Variants in MED12L observed in about 807,000 individuals in gnomAD.
The protein encoded by MED12L is mediator of RNA polymerase II transcription subunit 12-like protein.
In MED12L, 60 loss-of-function variants were observed where a neutral mutation model predicts 281.3. The ratio of observed to expected loss-of-function variants is 0.21; its 90% CI spans 0.17 to 0.26. MED12L has a LOEUF of 0.26. Ranked by LOEUF, MED12L falls within the 10% of genes least tolerant of loss-of-function variation. MED12L has a pLI of 1.00. For missense variants in MED12L, 2,146 were observed against 2,680.9 expected (o/e 0.80, Z 4.41); for synonymous variants, 974 against 987.2 (o/e 0.99, Z 0.25).
chr3:151,146,572 G>A (rs1367257681), intron 5 of MED12L, among the ~76,000 whole-genome samples: 1 of 152,024 alleles, frequency 6.6e-6, no homozygotes, highest in Non-Finnish European at 1.5e-5. Context: ...CTGCCTACTT[G>A]ATCCCTAAGT....
At chr3:151,121,848 TGGG>T (rs1356187111) in intron 3 of MED12L, among the ~76,000 whole-genome samples, 1 of 151,596 alleles carries the variant, frequency 6.6e-6, no homozygotes, top group Non-Finnish European at 1.5e-5. Context: ...CCCGAGTAGG[TGGG>T]ATTATAAGCG....
intron 21 of MED12L, 110 bp downstream of exon 21, chr3:151,360,715 C>A: frequency 1.0e-6 from 1 of 1,003,296 alleles, no homozygotes; most frequent in Non-Finnish European, 1.5e-6. Flanking sequence ...GCAATTGTAT[C>A]TATTAGGCAG....
At chr3:151,160,189 CT>C in intron 8 of MED12L, 88 bp downstream of exon 8, 1 of 1,253,924 alleles carries the variant, frequency 8.0e-7, no homozygotes. Flanking sequence ...CTCTAGTTGA[CT>C]TTTTACAACT....
At chr3:151,170,397 C>T (rs1576881545) in intron 11 of MED12L, among the ~76,000 whole-genome samples, 1 of 151,512 alleles carries the variant, frequency 6.6e-6, no homozygotes, top group East Asian at 1.9e-4. Flanking sequence ...GCCTCAGCCT[C>T]CCGAGTAGCT....
intron 16 of MED12L, among the ~76,000 whole-genome samples, chr3:151,317,277 A>G (rs142206965): frequency 1.3e-4 from 20 of 151,988 alleles, no homozygotes; most frequent in Admixed American, 3.3e-4. Context: ...CACAATAGAC[A>G]TATTTTTACA....
intron 13 of MED12L, among the ~76,000 whole-genome samples, chr3:151,189,485 C>T (rs1384922228): frequency 1.3e-5 from 2 of 152,190 alleles, no homozygotes; most frequent in East Asian, 3.8e-4. Context: ...GGGAGACAGA[C>T]ATTTGCCCTT....
chr3:151,379,135 T>A (rs1231653791), intron 31 of MED12L, among the ~76,000 whole-genome samples: 1 of 152,230 alleles, frequency 6.6e-6, no homozygotes, highest in Non-Finnish European at 1.5e-5. Flanking sequence ...TTGTTTTACA[T>A]CTGGTTGTTT....
At chr3:151,266,242 A>G (rs1739812633) in intron 16 of MED12L, among the ~76,000 whole-genome samples, 1 of 152,182 alleles carries the variant, frequency 6.6e-6, no homozygotes, top group African/African-American at 2.4e-5. Flanking sequence ...CATGACCTCA[A>G]TTTCCAAGGT....
At chr3:151,142,516 C>G (rs1357078436) in intron 5 of MED12L, among the ~76,000 whole-genome samples, 2 of 152,218 alleles carry the variant, frequency 1.3e-5, no homozygotes, top group Non-Finnish European at 2.9e-5. Context: ...AGTCTCCTTT[C>G]TAACATACTG....
At chr3:151,317,189 G>T (rs1277586384) in intron 16 of MED12L, among the ~76,000 whole-genome samples, 3 of 152,084 alleles carry the variant, frequency 2.0e-5, no homozygotes, top group African/African-American at 7.2e-5. Flanking sequence ...TATTTAAAGA[G>T]TATTGTTGTA....
intron 16 of MED12L, chr3:151,329,574 T>C (rs772681190): frequency 1.5e-6 from 2 of 1,360,834 alleles, no homozygotes; most frequent in Non-Finnish European, 1.0e-6. Flanking sequence ...TTCTGCTTTC[T>C]TATAGTGGAT....
chr3:151,188,323 A>T, intron 12 of MED12L, 31 bp from the exon 13 acceptor site: 1 of 1,557,954 alleles, frequency 6.4e-7, no homozygotes, highest in Non-Finnish European at 8.8e-7. Context: ...TACTTCTGTA[A>T]TTAACTTTGT....
chr3:151,337,720 C>T, intron 16 of MED12L: 1 of 1,206,138 alleles, frequency 8.3e-7, no homozygotes, highest in Non-Finnish European at 1.2e-6. Flanking sequence ...TTATTATTAA[C>T]TTAGTTGCTT....
At chr3:151,181,703 A>G (rs1722723678) in intron 11 of MED12L, among the ~76,000 whole-genome samples, 1 of 148,978 alleles carries the variant, frequency 6.7e-6, no homozygotes, top group African/African-American at 2.5e-5. Flanking sequence ...CTCCTGCCTC[A>G]GCTTCCTGAG....
chr3:151,307,531 CTCTGTGTGTGTGTGTGTGTGTGTG>C (rs1221394565), intron 16 of MED12L, among the ~76,000 whole-genome samples: 1 of 120,416 alleles, frequency 8.3e-6, no homozygotes, highest in African/African-American at 3.0e-5. Flanking sequence ...AGGTAACTTG[CTCTGTGTGTGTGTGTGTGTGTGTG>C]TGTGTGTGTG....
Position 151,201,231 on chromosome 3 carries a change from T to A in MED12L, c.2250+7565T>A, listed in dbSNP as rs544178862. Among the ~76,000 whole-genome samples, 257 of 152,204 alleles carry A rather than the reference T, an allele frequency of 1.7e-3. 1 individual carries two copies. Among genetic ancestry groups the A allele is most frequent in the African/African-American group, 5.9e-3 (246 of 41,504 alleles). On this transcript the variant is annotated intron_variant, in intron 16 of 44. Transcript: ENST00000687756. ...TACAACCACGTGCACACACTCTCTC[T>A]CTCTCTCTCTCTCTCACACGCACAT...
intron 2 of MED12L, among the ~76,000 whole-genome samples, chr3:151,112,007 C>G (rs1201161836): frequency 6.6e-6 from 1 of 152,124 alleles, no homozygotes; most frequent in Non-Finnish European, 1.5e-5. Flanking sequence ...ATCTGTTTTA[C>G]GTATGATCTC....
At chr3:151,315,699 T>TC (rs1002206284) in intron 16 of MED12L, among the ~76,000 whole-genome samples, 11 of 152,106 alleles carry the variant, frequency 7.2e-5, no homozygotes, top group Admixed American at 7.2e-4. Flanking sequence ...CTGGCTTTTT[T>TC]CCCCCCAGTA....
At chr3:151,285,556 A>T (rs1349727730) in intron 16 of MED12L, among the ~76,000 whole-genome samples, 3 of 152,060 alleles carry the variant, frequency 2.0e-5, no homozygotes, top group Non-Finnish European at 4.4e-5. Context: ...GGAGCCAGGG[A>T]TAAATGACTA....
Sources: allele counts gnomAD v4.1 joint callset (sites outside exome capture counted in the v4.1 genomes callset), GRCh38; gene constraint gnomAD v4.1.1; transcripts MANE v1.5; gene names NCBI Gene and HGNC (gene_info 2026-07-23, HGNC 2026-07-21).